Variants in DLGAP1 observed in about 807,000 individuals in gnomAD.
The protein encoded by DLGAP1 is DLG associated protein 1.
Under a neutral mutation model 90.8 loss-of-function variants are expected in DLGAP1, and 11 were observed. That is an observed-to-expected ratio of 0.12 (90% CI 0.08 to 0.20). The LOEUF (loss-of-function observed/expected upper bound fraction) is 0.20, where lower values mean the gene tolerates loss of function less well. Ranked by LOEUF, DLGAP1 falls within the 10% of genes least tolerant of loss-of-function variation. The probability of loss-of-function intolerance (pLI) is 1.00; values close to 1 mark genes in which losing one functional copy is unlikely to be tolerated. For synonymous variants in DLGAP1, 558 were observed against 540.7 expected, an observed-to-expected ratio of 1.03 and a Z score of -0.44; for missense variants, 1,050 against 1,333.8, an observed-to-expected ratio of 0.79 and a Z score of 3.31.
At chr18:3,523,805 G>A (rs112888162) in intron 10 of DLGAP1, among the ~76,000 whole-genome samples, 4,925 of 147,396 alleles carry the variant, frequency 0.033, 94 homozygotes, top group Non-Finnish European at 0.045. Flanking sequence ...CTGAGATAGC[G>A]CCACTGCACT....
chr18:3,645,432 T>C (rs1312910027), intron 7 of DLGAP1, among the ~76,000 whole-genome samples: 1 of 152,232 alleles, frequency 6.6e-6, no homozygotes, highest in Non-Finnish European at 1.5e-5. Context: ...AAAATGTATT[T>C]CCAACCAGCA....
chr18:3,891,100 C>G (rs2071447073), intron 3 of DLGAP1, among the ~76,000 whole-genome samples: 1 of 152,142 alleles, frequency 6.6e-6, no homozygotes, highest in Non-Finnish European at 1.5e-5. Flanking sequence ...CTTCAACTTC[C>G]TGTCTCATAA....
At chr18:3,599,421 G>C (rs1287119278) in intron 7 of DLGAP1, among the ~76,000 whole-genome samples, 2 of 152,196 alleles carry the variant, frequency 1.3e-5, no homozygotes, top group Non-Finnish European at 2.9e-5. Context: ...ACTGTAAATA[G>C]TTTCCGAGGT....
At chr18:3,598,041 G>C (rs1399437111) in intron 7 of DLGAP1, 1 of 152,270 alleles carries the variant, frequency 6.6e-6, no homozygotes, top group Non-Finnish European at 1.5e-5. Context: ...CAGATAACAG[G>C]GTTAGTGCTT....
chr18:3,729,883 C>G lies in DLGAP1; in HGVS notation c.1351-508G>C, dbSNP rs561721295. Among the ~76,000 whole-genome samples the G allele has an allele frequency of 6.6e-6, 1 of 152,112 alleles. No individual in the cohort carries two copies. The highest frequency in any genetic ancestry group is 2.4e-5 in the African/African-American group (1 of 41,414). ...CTTTTTAGCACAAACATTTTAGAAA[C>G]GAGTATTTTTACAGTGCCTTTTGAA... On this transcript the variant is annotated intron_variant, in intron 6 of 12. Transcript: ENST00000315677. This position sits in a 1 kb window ranked among gnomAD's most constrained non-coding sequence, Gnocchi z 6.2.
At chr18:3,670,096 C>A (rs572775824) in intron 7 of DLGAP1, among the ~76,000 whole-genome samples, 3 of 152,192 alleles carry the variant, frequency 2.0e-5, no homozygotes, top group African/African-American at 7.2e-5. Context: ...TATTGTTTTA[C>A]AACAAAACAA....
chr18:4,144,508 C>T (rs1431567473), intron 2 of DLGAP1, among the ~76,000 whole-genome samples: 2 of 152,216 alleles, frequency 1.3e-5, no homozygotes, highest in Admixed American at 6.5e-5. Context: ...GTGCTGTAGG[C>T]AATTCAACAC....
chr18:3,548,425 C>A (rs2053182997), intron 9 of DLGAP1, among the ~76,000 whole-genome samples: 1 of 150,350 alleles, frequency 6.7e-6, no homozygotes, highest in Non-Finnish European at 1.5e-5. Context: ...AAGAAAGGAA[C>A]TTCCTCAAGT....
At chr18:3,682,185 G>A (rs1046221621) in intron 7 of DLGAP1, among the ~76,000 whole-genome samples, 17 of 151,036 alleles carry the variant, frequency 1.1e-4, no homozygotes, top group African/African-American at 4.1e-4. Flanking sequence ...TAAAATAAAA[G>A]TGTGTGGCAC....
Position 3,720,888 on chromosome 18 carries a change from C to CCAAAAAAAA in DLGAP1, c.1591+8246_1591+8247insTTTTTTTTG, listed in dbSNP as rs1441095000. ...GCAACATACTAAGACCTTGTCTCTA[C>CCAAAAAAAA]AAAAAAAAAAAAAAAAAAAAATTAG... On this transcript the variant is annotated intron_variant, in intron 7 of 12. Transcript: ENST00000315677. Among the ~76,000 whole-genome samples the CCAAAAAAAA allele has an allele frequency of 6.0e-3, 302 of 50,292 alleles. 34 individuals are homozygous for CCAAAAAAAA. Among genetic ancestry groups the CCAAAAAAAA allele is most frequent in the African/African-American group, 0.023 (288 of 12,478 alleles). 33.0% of individuals were successfully genotyped at this position (50,292 alleles called of 152,430 possible). A position where few individuals can be genotyped will look rare whatever the true frequency, so the allele number is the denominator to read the frequency against.
chr18:4,405,512 T>A (rs1229601238), intron 1 of DLGAP1, among the ~76,000 whole-genome samples: 2 of 144,102 alleles, frequency 1.4e-5, no homozygotes, highest in African/African-American at 2.4e-5. Context: ...AAAGTGCCAT[T>A]TTTTTTCTTT....
At chr18:4,015,478 T>G (rs1450410686) in intron 2 of DLGAP1, among the ~76,000 whole-genome samples, 3 of 152,204 alleles carry the variant, frequency 2.0e-5, no homozygotes, top group Non-Finnish European at 4.4e-5. Context: ...GCAAGCTGTG[T>G]GTGTTGACCA....
At chr18:3,800,168 A>T (rs538654492) in intron 5 of DLGAP1, among the ~76,000 whole-genome samples, 6 of 152,096 alleles carry the variant, frequency 3.9e-5, no homozygotes, top group African/African-American at 1.4e-4. Context: ...ATTTTACTTT[A>T]TATCTTGCTT....
intron 7 of DLGAP1, among the ~76,000 whole-genome samples, chr18:3,674,008 A>G (rs2060196676): frequency 6.6e-6 from 1 of 151,590 alleles, no homozygotes; most frequent in South Asian, 2.1e-4. Context: ...ACACCCAGCT[A>G]ATTTTTATAC....
At chr18:3,991,835 T>C (rs1349047966) in intron 3 of DLGAP1, among the ~76,000 whole-genome samples, 3 of 152,274 alleles carry the variant, frequency 2.0e-5, no homozygotes, top group Admixed American at 2.0e-4. Context: ...TATCCCATTG[T>C]AACTAACCAC....
chr18:3,758,244 C>T (rs972096207), intron 5 of DLGAP1, among the ~76,000 whole-genome samples: 1 of 151,986 alleles, frequency 6.6e-6, no homozygotes, highest in Non-Finnish European at 1.5e-5. Context: ...TAATACCCAA[C>T]GTATTCAAAC....
intron 7 of DLGAP1, among the ~76,000 whole-genome samples, chr18:3,692,189 G>A (rs2147027490): frequency 6.6e-6 from 1 of 152,262 alleles, no homozygotes; most frequent in East Asian, 1.9e-4. Context: ...AGCTACCTCT[G>A]GTAATGTAAC....
intron 7 of DLGAP1, among the ~76,000 whole-genome samples, chr18:3,629,538 G>A (rs1198127350): frequency 6.6e-6 from 1 of 151,952 alleles, no homozygotes; most frequent in Non-Finnish European, 1.5e-5. Context: ...CGGGCGTGTT[G>A]GTGGGCGCCT....
At chr18:4,079,630 C>T (rs2075575294) in intron 2 of DLGAP1, among the ~76,000 whole-genome samples, 2 of 151,598 alleles carry the variant, frequency 1.3e-5, no homozygotes, top group African/African-American at 2.4e-5. Flanking sequence ...TCAGACTTCA[C>T]CTCTATGCAG....
Sources: allele counts gnomAD v4.1 joint callset (sites outside exome capture counted in the v4.1 genomes callset), GRCh38; gene constraint gnomAD v4.1.1; non-coding constraint Gnocchi (gnomAD v3.1); transcripts MANE v1.5; gene names NCBI Gene and HGNC (gene_info 2026-07-23, HGNC 2026-07-21).